RASEF: variants seen among roughly 807,000 people sequenced by gnomAD.
RASEF encodes the protein ras and EF-hand domain-containing protein.
RASEF carries 68 observed loss-of-function variants against 90.1 expected under a neutral mutation model. The observed-to-expected ratio is 0.75, with a 90% CI of 0.62 to 0.92. RASEF has a LOEUF of 0.92. RASEF is among the 40% of genes least tolerant of loss of function. The pLI is 0.00. For missense variants in RASEF, 949 were observed against 937.2 expected, an observed-to-expected ratio of 1.01 and a Z score of -0.16; for synonymous variants, 331 against 345.2, an observed-to-expected ratio of 0.96 and a Z score of 0.46.
intron 1 of RASEF, among the ~76,000 whole-genome samples, chr9:83,062,180 T>C (rs1830214877): frequency 1.3e-5 from 2 of 152,078 alleles, no homozygotes; most frequent in Admixed American, 1.3e-4. Context: ...TCAGGAGAGC[T>C]CCTGTAATGA....
At chr9:83,055,896 T>G (rs1440238937) in intron 1 of RASEF, among the ~76,000 whole-genome samples, 1 of 152,178 alleles carries the variant, frequency 6.6e-6, no homozygotes, top group Admixed American at 6.5e-5. Flanking sequence ...GGTGTTTTGG[T>G]GAGCCAGGAG....
chr9:83,185,460 T>C, the RASEF span, among the ~76,000 whole-genome samples: 1 of 151,966 alleles, frequency 6.6e-6, no homozygotes, highest in Non-Finnish European at 1.5e-5. Context: ...GTCCTGGGAT[T>C]GGACTCTGTG....
intron 16 of RASEF, 28 bp from the exon 17 acceptor site, chr9:82,982,810 AG>A (rs773328448): frequency 0.041 from 17,558 of 427,774 alleles, 426 homozygotes; most frequent in East Asian, 0.22. Flanking sequence ...AGAGACAGAG[AG>A]AGAGAGAGAG....
the RASEF span, among the ~76,000 whole-genome samples, chr9:83,196,494 G>A: frequency 1.3e-5 from 2 of 152,216 alleles, no homozygotes; most frequent in Non-Finnish European, 2.9e-5. Context: ...TGGGAGACAG[G>A]GCAAAAAGGT....
chr9:83,067,596 T>C (rs1005975474), upstream of RASEF, among the ~76,000 whole-genome samples: 2 of 152,232 alleles, frequency 1.3e-5, no homozygotes, highest in African/African-American at 4.8e-5. Flanking sequence ...TTGTTGTGTA[T>C]GTGTTGTGTT....
intron 1 of RASEF, chr9:83,048,708 A>T: frequency 5.1e-6 from 5 of 985,388 alleles, no homozygotes; most frequent in Non-Finnish European, 6.0e-6. Context: ...CCTCAATTTA[A>T]ATGACAGAGG....
the RASEF span, among the ~76,000 whole-genome samples, chr9:83,111,098 G>A: frequency 4.6e-5 from 7 of 152,242 alleles, no homozygotes; most frequent in South Asian, 4.1e-4. Context: ...ATTGAAGTAC[G>A]AGCAAATAAT....
the RASEF span, among the ~76,000 whole-genome samples, chr9:83,169,350 T>TACACACACACACACACACAC: frequency 6.8e-6 from 1 of 145,994 alleles, no homozygotes; most frequent in African/African-American, 2.5e-5. Context: ...CTGATTTCCA[T>TACACACACACACACACACAC]ACACACACAC....
At chr9:83,198,392 A>G in the RASEF span, among the ~76,000 whole-genome samples, 1 of 146,452 alleles carries the variant, frequency 6.8e-6, no homozygotes, top group African/African-American at 2.5e-5. Context: ...TTTAACATGC[A>G]TAAGGAAACC....
chr9:83,171,685 G>A, the RASEF span, among the ~76,000 whole-genome samples: 3 of 151,664 alleles, frequency 2.0e-5, no homozygotes, highest in Non-Finnish European at 4.4e-5. Context: ...ACATATCCAT[G>A]TCTTTTAGGT....
At chr9:83,067,094 T>C (rs1354233799), upstream of RASEF, among the ~76,000 whole-genome samples, 1 of 152,070 alleles carries the variant, frequency 6.6e-6, no homozygotes, top group East Asian at 1.9e-4. Context: ...GGAAACCTAT[T>C]GTAATCCACC....
chr9:83,090,351 G>C, the RASEF span, among the ~76,000 whole-genome samples: 2 of 151,798 alleles, frequency 1.3e-5, no homozygotes, highest in Non-Finnish European at 2.9e-5. Context: ...GATTCCTCCA[G>C]GATAGTTTTA....
In RASEF at chr9:83,000,925, T is replaced by C; in HGVS notation, c.1408A>G (p.Ser470Gly). 6.2e-7 allele frequency: 1 copy of C among 1,613,998 alleles called. No individual in the cohort carries two copies. Among genetic ancestry groups the C allele is most frequent in the East Asian group, 2.2e-5 (1 of 44,870 alleles). Residue 470 changes from serine (S) to glycine (G), a missense_variant, in exon 10 of 17, where the codon AGC (serine) becomes GGC (glycine). This residue lies in a region of RASEF where 288 missense variants were observed against 328.4 expected (regional missense o/e 0.88). Transcript: ENST00000376447. ...GFQRSHGVQE[S>G]FGGDASDTDV... is the part of the protein sequence containing the mutation. ...GTGTCTGAAGCATCACCTCCAAAGC[T>C]CTCCTGCACCCCGTGTGACCTCTGA...
rs867593841 is a variant in RASEF, at chr9:82,979,722, G to C, written c.*2955C>G. On this transcript the variant is annotated 3_prime_UTR_variant, in exon 17 of 17. Coordinates refer to ENST00000376447, the MANE Select transcript of RASEF (RefSeq NM_152573.4). Reference sequence around the variant, plus strand: ...TTGAAGAGAAATAAACAGTATAAACGAAATATGGCCCACACAATGAAAATG... The same window carrying C: ...TTGAAGAGAAATAAACAGTATAAACCAAATATGGCCCACACAATGAAAATG... The C allele has an allele frequency of 6.6e-6, 1 of 152,040 alleles. No individual in the cohort carries two copies. Among genetic ancestry groups the C allele is most frequent in the Admixed American group, 6.6e-5 (1 of 15,264 alleles). The allele number at this position is 152,040 out of a possible 1,614,324, so 9.4% of individuals were successfully genotyped here.
chr9:83,048,900 A>C (rs1364411296), intron 1 of RASEF: 2 of 353,768 alleles, frequency 5.7e-6, no homozygotes, highest in Non-Finnish European at 7.9e-6. Flanking sequence ...AGGCCGAGGA[A>C]GGCGGATCAC....
chr9:83,079,351 C>T, the RASEF span, among the ~76,000 whole-genome samples: 1 of 152,266 alleles, frequency 6.6e-6, no homozygotes, highest in East Asian at 1.9e-4. Context: ...TGTCAAAGAT[C>T]ATAGATGTGG....
chr9:83,169,600 T>A, the RASEF span, among the ~76,000 whole-genome samples: 1 of 149,996 alleles, frequency 6.7e-6, no homozygotes, highest in East Asian at 1.9e-4. Flanking sequence ...GTTTGTTTTG[T>A]TTTTTGTTTT....
chr9:83,091,858 C>A, the RASEF span, among the ~76,000 whole-genome samples: 1 of 151,978 alleles, frequency 6.6e-6, no homozygotes, highest in Non-Finnish European at 1.5e-5. Context: ...TCCATCAGTA[C>A]CAAAATTTTG....
intron 1 of RASEF, among the ~76,000 whole-genome samples, chr9:83,041,588 G>A (rs1829844165): frequency 6.6e-6 from 1 of 152,102 alleles, no homozygotes; most frequent in Non-Finnish European, 1.5e-5. Flanking sequence ...CCTTTGAGAG[G>A]CTCCCGGTCT....
Sources: gnomAD v4.1 joint callset for allele counts (sites outside exome capture counted in the v4.1 genomes callset) on GRCh38, gnomAD v4.1.1 for gene constraint, gnomAD v4.1.1 regional missense constraint, MANE v1.5 for transcripts, NCBI Gene and HGNC (gene_info 2026-07-23, HGNC 2026-07-21) for gene names.